The following EYA1 variants were observed in gnomAD, a reference collection of about 807,000 sequenced individuals.
EYA1 encodes EYA transcriptional coactivator and phosphatase 1.
In EYA1, 16 loss-of-function variants were observed where a neutral mutation model predicts 82.0. That is an observed-to-expected ratio of 0.20 (90% CI 0.13 to 0.30). The LOEUF (loss-of-function observed/expected upper bound fraction) is 0.30. Ranked by LOEUF, EYA1 falls within the 10% of genes least tolerant of loss-of-function variation. The probability of loss-of-function intolerance (pLI) is 1.00; values close to 1 mark genes in which losing one functional copy is unlikely to be tolerated. For synonymous variants in EYA1, 261 were observed against 264.4 expected (o/e 0.99, Z 0.12); for missense variants, 633 against 730.7 (o/e 0.87, Z 1.54).
intron 2 of EYA1, among the ~76,000 whole-genome samples, chr8:71,447,811 G>T (rs983922875): frequency 6.6e-6 from 1 of 152,080 alleles, no homozygotes. Context: ...ATAACTATCT[G>T]ATCATTCAGC....
Position 71,334,134 on chromosome 8 carries a change from CGTT to C in EYA1, c.162_164del (p.Thr56del). ...AATTGTTTAAAGACCCGTCGGCTGT[CGTT>C]GAAGCTGTTTCACTGCTGCTCATTG... is the stretch of plus-strand genomic sequence containing the variant. On this transcript the variant is annotated inframe_deletion, in exon 4 of 18. Transcript: ENST00000340726. 6.2e-7 allele frequency: 1 copy of C among 1,613,718 alleles called. No individual in the cohort carries two copies. The highest frequency in any genetic ancestry group is 8.5e-7 in the Non-Finnish European group (1 of 1,179,758).
chr8:71,332,663 T>C (rs889480005), intron 4 of EYA1, among the ~76,000 whole-genome samples: 2 of 152,194 alleles, frequency 1.3e-5, no homozygotes, highest in African/African-American at 4.8e-5. Flanking sequence ...TTCTGTCCTA[T>C]GAATATGACC....
intron 2 of EYA1, among the ~76,000 whole-genome samples, chr8:71,487,401 C>T (rs1586815042): frequency 1.3e-5 from 2 of 152,272 alleles, no homozygotes; most frequent in East Asian, 3.9e-4. Context: ...AGATCTGAGA[C>T]TTTTCCTGAA....
chr8:71,518,040 A>G (rs1037236680), intron 2 of EYA1, among the ~76,000 whole-genome samples: 1 of 151,782 alleles, frequency 6.6e-6, no homozygotes, highest in Non-Finnish European at 1.5e-5. Context: ...ATTACATATA[A>G]TAAAATCTAC....
intron 3 of EYA1, among the ~76,000 whole-genome samples, chr8:71,348,371 G>A (rs891625945): frequency 3.3e-5 from 5 of 152,202 alleles, no homozygotes; most frequent in African/African-American, 7.2e-5. Flanking sequence ...ATATCTCCCA[G>A]GAGGGAACCA....
At chr8:71,470,716 TC>T (rs2129200499) in intron 2 of EYA1, 1 of 329,348 alleles carries the variant, frequency 3.0e-6, no homozygotes, top group Non-Finnish European at 5.9e-6. Context: ...TTCATGTTTT[TC>T]CTAAACACTC....
intron 9 of EYA1, among the ~76,000 whole-genome samples, chr8:71,293,086 A>G (rs1819185292): frequency 1.3e-5 from 2 of 152,172 alleles, no homozygotes; most frequent in African/African-American, 4.8e-5. Context: ...AATTACTAAT[A>G]TCAGAAATGA....
chr8:71,294,773 A>C (rs1819418639), intron 9 of EYA1, among the ~76,000 whole-genome samples: 1 of 152,210 alleles, frequency 6.6e-6, no homozygotes, highest in Admixed American at 6.5e-5. Context: ...AAGACTCAGA[A>C]TAGCCAACAC....
chr8:71,273,624 C>T (rs565475662), intron 9 of EYA1, among the ~76,000 whole-genome samples: 61 of 152,308 alleles, frequency 4.0e-4, no homozygotes, highest in Non-Finnish European at 7.5e-4. Flanking sequence ...CTGCAATGTA[C>T]GTCTCCATGC....
intron 3 of EYA1, among the ~76,000 whole-genome samples, chr8:71,340,569 A>C (rs1300171576): frequency 1.3e-5 from 2 of 152,188 alleles, no homozygotes; most frequent in African/African-American, 4.8e-5. Context: ...TTCAAGGTTC[A>C]ACTAAAATCC....
At chr8:71,281,393 T>TA (rs1438012367) in intron 9 of EYA1, among the ~76,000 whole-genome samples, 2 of 152,246 alleles carry the variant, frequency 1.3e-5, no homozygotes, top group Admixed American at 1.3e-4. Context: ...ATTTAAGAGA[T>TA]ACCACTAGTG....
At chr8:71,535,574 G>C (rs1195308636) in intron 2 of EYA1, among the ~76,000 whole-genome samples, 1 of 152,124 alleles carries the variant, frequency 6.6e-6, no homozygotes, top group Non-Finnish European at 1.5e-5. Flanking sequence ...AATTAGGTTA[G>C]GCTGATGAAA....
chr8:71,213,925 A>T (rs577162039), intron 16 of EYA1, among the ~76,000 whole-genome samples: 2 of 152,342 alleles, frequency 1.3e-5, no homozygotes, highest in South Asian at 4.2e-4. Context: ...GCTGGGTGTT[A>T]CAGCTACTAT....
At chr8:71,315,234 A>T (rs1463693600) in intron 7 of EYA1, among the ~76,000 whole-genome samples, 1 of 152,242 alleles carries the variant, frequency 6.6e-6, no homozygotes, top group African/African-American at 2.4e-5. Flanking sequence ...TATAAGTCTC[A>T]TTTTAAAAAA....
intron 2 of EYA1, among the ~76,000 whole-genome samples, chr8:71,462,430 C>T (rs1156504132): frequency 6.6e-6 from 1 of 152,110 alleles, no homozygotes; most frequent in Non-Finnish European, 1.5e-5. Context: ...AGACAACCAC[C>T]CCTGAGCCTG....
At chr8:71,371,170 G>A (rs749378222) in intron 2 of EYA1, among the ~76,000 whole-genome samples, 1 of 152,198 alleles carries the variant, frequency 6.6e-6, no homozygotes, top group African/African-American at 2.4e-5. Flanking sequence ...ATAAGATGCA[G>A]TAAGACCCTT....
At chr8:71,218,908 T>C (rs542879671) in intron 12 of EYA1, among the ~76,000 whole-genome samples, 114 of 151,808 alleles carry the variant, frequency 7.5e-4, no homozygotes, top group African/African-American at 2.7e-3. Context: ...GAGGAGGAAG[T>C]TGAGGAACTA....
intron 2 of EYA1, among the ~76,000 whole-genome samples, chr8:71,388,939 C>T (rs755220334): frequency 2.0e-5 from 3 of 152,100 alleles, no homozygotes; most frequent in Non-Finnish European, 2.9e-5. Flanking sequence ...CCAGTTCCTA[C>T]ACACAAGTCC....
intron 2 of EYA1, among the ~76,000 whole-genome samples, chr8:71,528,059 C>T (rs1451994487): frequency 6.6e-6 from 1 of 152,030 alleles, no homozygotes; most frequent in Non-Finnish European, 1.5e-5. Context: ...GAGAGATCCA[C>T]ATGCCCCAAT....
Sources: gnomAD v4.1 joint callset for allele counts (sites outside exome capture counted in the v4.1 genomes callset) on GRCh38, gnomAD v4.1.1 for gene constraint, MANE v1.5 for transcripts, NCBI Gene and HGNC (gene_info 2026-07-23, HGNC 2026-07-21) for gene names.